Variants in DPP10 observed in about 807,000 individuals in gnomAD.
The protein encoded by DPP10 is dipeptidyl peptidase like 10, also known as inactive dipeptidyl peptidase 10.
DPP10 carries 33 observed loss-of-function variants against 120.9 expected under a neutral mutation model. That is an observed-to-expected ratio of 0.27 (90% CI 0.21 to 0.37). The LOEUF (loss-of-function observed/expected upper bound fraction) is 0.37. DPP10 is among the 10% of genes least tolerant of loss of function. The pLI, the probability that DPP10 is intolerant of heterozygous loss-of-function variation, is 1.00. For missense variants in DPP10, 816 were observed against 942.8 expected, an observed-to-expected ratio of 0.87 and a Z score of 1.76; for synonymous variants, 337 against 326.1, an observed-to-expected ratio of 1.03 and a Z score of -0.36.
At chr2:115,210,479 G>A (rs755718325) in intron 1 of DPP10, among the ~76,000 whole-genome samples, 24 of 150,666 alleles carry the variant, frequency 1.6e-4, no homozygotes, top group Non-Finnish European at 3.3e-4. Context: ...CGCAATAAAC[G>A]TGTGTGCTTG....
intron 1 of DPP10, among the ~76,000 whole-genome samples, chr2:114,884,480 A>G (rs1691892529): frequency 6.6e-6 from 1 of 152,078 alleles, no homozygotes; most frequent in Admixed American, 6.5e-5. Flanking sequence ...CTCCATCTTC[A>G]AAGCCAGCAA....
Position 114,975,202 on chromosome 2 carries a change from C to T in DPP10, c.61-334037C>T, listed in dbSNP as rs180790685. Among the ~76,000 whole-genome samples the T allele has an allele frequency of 2.0e-3, 301 of 152,006 alleles. 1 individual carries two copies. The highest frequency in any genetic ancestry group is 6.7e-3 in the African/African-American group (279 of 41,478). ...CTGGGGCGACAGGCGCATGCCACCACGCCCAGCTAATTTTTGTATTTTTAG... is the reference window on the plus strand; with the variant it reads ...CTGGGGCGACAGGCGCATGCCACCATGCCCAGCTAATTTTTGTATTTTTAG... On this transcript the variant is annotated intron_variant, in intron 1 of 25. Coordinates refer to ENST00000410059, the MANE Select transcript of DPP10 (RefSeq NM_020868.6).
intron 1 of DPP10, among the ~76,000 whole-genome samples, chr2:114,757,189 T>G (rs1367054184): frequency 2.1e-3 from 178 of 86,824 alleles, no homozygotes; most frequent in Middle Eastern, 0.01. Flanking sequence ...GAAAGAGGGA[T>G]GGAAGGGAGG....
intron 11 of DPP10, 67 bp from the exon 12 acceptor site, chr2:115,762,505 A>T: frequency 6.3e-7 from 1 of 1,586,298 alleles, no homozygotes; most frequent in Non-Finnish European, 8.6e-7. Context: ...GTGTTTTAAA[A>T]AAGTTAAATT....
At chr2:115,226,670 G>T (rs899802939) in intron 1 of DPP10, among the ~76,000 whole-genome samples, 4 of 152,148 alleles carry the variant, frequency 2.6e-5, no homozygotes, top group Non-Finnish European at 5.9e-5. Context: ...ATGTATAACA[G>T]TGTTTAGTAA....
At chr2:114,893,951 T>C (rs1692758481) in intron 1 of DPP10, among the ~76,000 whole-genome samples, 2 of 152,182 alleles carry the variant, frequency 1.3e-5, no homozygotes, top group South Asian at 2.1e-4. Context: ...CACCTAAGAA[T>C]CTTTGCTATC....
At chr2:115,438,543 A>C (rs2104842370) in intron 3 of DPP10, among the ~76,000 whole-genome samples, 1 of 152,330 alleles carries the variant, frequency 6.6e-6, no homozygotes, top group East Asian at 1.9e-4. Context: ...ATATACATGC[A>C]ATAAAATATT....
At chr2:114,932,862 T>TA (rs1696183235) in intron 1 of DPP10, among the ~76,000 whole-genome samples, 1 of 152,108 alleles carries the variant, frequency 6.6e-6, no homozygotes, top group East Asian at 1.9e-4. Flanking sequence ...CCTAAAAGAA[T>TA]AAAAAAGTAT....
chr2:115,642,514 G>A (rs2086867843), intron 5 of DPP10, among the ~76,000 whole-genome samples: 2 of 152,004 alleles, frequency 1.3e-5, no homozygotes, highest in African/African-American at 4.8e-5. Flanking sequence ...ATTAGATTTT[G>A]GACTCTGCAG....
chr2:115,400,673 G>A (rs2068008965), intron 3 of DPP10, among the ~76,000 whole-genome samples: 1 of 151,648 alleles, frequency 6.6e-6, no homozygotes, highest in South Asian at 2.1e-4. Context: ...GTGTGATATT[G>A]GAAAAAAATA....
At chr2:115,595,862 CT>C (rs2082956557) in intron 5 of DPP10, among the ~76,000 whole-genome samples, 1 of 151,738 alleles carries the variant, frequency 6.6e-6, no homozygotes, top group Admixed American at 6.6e-5. Flanking sequence ...TTTTTATAAC[CT>C]TTTTACACGT....
chr2:115,613,375 T>C (rs2084257488), intron 5 of DPP10, among the ~76,000 whole-genome samples: 1 of 152,236 alleles, frequency 6.6e-6, no homozygotes, highest in Non-Finnish European at 1.5e-5. Flanking sequence ...GATTTTTATA[T>C]GTGGATAGAA....
Position 115,780,988 on chromosome 2 carries a change from C to T in DPP10, c.1476C>T (p.Phe492=), listed in dbSNP as rs866479178. The T allele has an allele frequency of 7.6e-6, 12 of 1,583,228 alleles. No homozygotes were observed. In the African/African-American group the frequency reaches 1.5e-4, roughly 20 times the overall value. Residue 492 remains phenylalanine (F), a synonymous_variant, in exon 16 of 26, where the codon TTC becomes TTT. Coordinates refer to ENST00000410059, the MANE Select transcript of DPP10 (RefSeq NM_020868.6). ...CCATGAATCAACATTTCTTATTATT[C>T]TGTGAAGGTAAGATAATACATGAAT... is the stretch of plus-strand genomic sequence containing the variant. ...FSPMNQHFLL[F]CEGPRVPVVS... is the part of the protein sequence containing the mutation.
At chr2:114,518,879 G>A (rs1269781790) in intron 1 of DPP10, among the ~76,000 whole-genome samples, 1 of 152,164 alleles carries the variant, frequency 6.6e-6, no homozygotes, top group African/African-American at 2.4e-5. Flanking sequence ...TGTGTTTCAT[G>A]GAGCTGTATC....
At chr2:115,107,205 T>A (rs966600075) in intron 1 of DPP10, among the ~76,000 whole-genome samples, 14 of 152,196 alleles carry the variant, frequency 9.2e-5, no homozygotes, top group African/African-American at 3.4e-4. Context: ...ATTTTTATAT[T>A]ACTTAATTTG....
At chr2:114,872,339 A>G (rs954285948) in intron 1 of DPP10, among the ~76,000 whole-genome samples, 4 of 152,108 alleles carry the variant, frequency 2.6e-5, no homozygotes, top group Non-Finnish European at 5.9e-5. Flanking sequence ...CTCACTCACT[A>G]TCACAAGAAC....
At chr2:115,064,848 AGGGTTTCTGATT>A in intron 1 of DPP10, 2 of 1,303,090 alleles carry the variant, frequency 1.5e-6, no homozygotes, top group Non-Finnish European at 2.0e-6. Context: ...TCTTTCTAGC[AGGGTTTCTGATT>A]GGGTTTCATT....
intron 21 of DPP10, among the ~76,000 whole-genome samples, chr2:115,827,414 G>GTATATA (rs70941101): frequency 0.039 from 2,953 of 75,304 alleles, 91 homozygotes; most frequent in South Asian, 0.076. Flanking sequence ...ATGTGTGTGT[G>GTATATA]TATATATATA....
chr2:115,371,800 A>G (rs1396949173), intron 3 of DPP10, among the ~76,000 whole-genome samples: 2 of 152,168 alleles, frequency 1.3e-5, no homozygotes, highest in African/African-American at 2.4e-5. Context: ...GTTATAGGGA[A>G]ACATATTTTG....
Sources: allele counts gnomAD v4.1 joint callset (sites outside exome capture counted in the v4.1 genomes callset), GRCh38; gene constraint gnomAD v4.1.1; transcripts MANE v1.5; gene names NCBI Gene and HGNC (gene_info 2026-07-23, HGNC 2026-07-21).